The following AKAP7 variants were observed in gnomAD, a reference collection of about 807,000 sequenced individuals.
AKAP7 encodes the protein A-kinase anchoring protein 7.
AKAP7 carries 39 observed loss-of-function variants against 39.5 expected under a neutral mutation model. That is an observed-to-expected ratio of 0.99 (90% CI 0.76 to 1.29). The LOEUF (loss-of-function observed/expected upper bound fraction) is 1.29. Ranked by LOEUF, AKAP7 falls within the 50% of genes most tolerant of loss-of-function variation. The pLI, the probability that AKAP7 is intolerant of heterozygous loss-of-function variation, is 0.00. For synonymous variants in AKAP7, 140 were observed against 139.1 expected, an observed-to-expected ratio of 1.01 and a Z score of -0.05; for missense variants, 414 against 407.7, an observed-to-expected ratio of 1.02 and a Z score of -0.13.
At chr6:131,175,595 G>A (rs1804500106) in intron 5 of AKAP7, among the ~76,000 whole-genome samples, 1 of 152,132 alleles carries the variant, frequency 6.6e-6, no homozygotes, top group African/African-American at 2.4e-5. Flanking sequence ...AAATTGATGA[G>A]CTTTTACCAT....
Position 131,151,150 on chromosome 6 carries a change from C to T in AKAP7, c.151+5734C>T, listed in dbSNP as rs543893219. Among the ~76,000 whole-genome samples, 6 of 151,992 alleles carry T rather than the reference C, an allele frequency of 3.9e-5. No individual in the cohort carries two copies. The South Asian group carries it at 1.2e-3, about 32-fold the overall frequency. ...CTCTGCCTCCTGGGTTCAAGCAATT[C>T]TTCTGCCTCAGCCTCCCGAGTAGCT... On this transcript the variant is annotated intron_variant, in intron 2 of 7. Transcript: ENST00000431975.
chr6:131,252,087 C>G (rs1812491035), intron 7 of AKAP7, among the ~76,000 whole-genome samples: 1 of 152,174 alleles, frequency 6.6e-6, no homozygotes, highest in Non-Finnish European at 1.5e-5. Context: ...TCTTTTGGCT[C>G]CATCTGAAGA....
At chr6:131,209,074 C>A (rs1430738849) in intron 6 of AKAP7, among the ~76,000 whole-genome samples, 1 of 152,146 alleles carries the variant, frequency 6.6e-6, no homozygotes, top group Non-Finnish European at 1.5e-5. Flanking sequence ...GTTTCCCAAC[C>A]AGACCAGCAA....
At chr6:131,165,780 A>AAGAC (rs1369792841) in intron 4 of AKAP7, among the ~76,000 whole-genome samples, 1 of 152,126 alleles carries the variant, frequency 6.6e-6, no homozygotes, top group Non-Finnish European at 1.5e-5. Flanking sequence ...ATAAAGGTTG[A>AAGAC]AGACAACTCA....
chr6:131,177,224 G>C (rs112466149), intron 5 of AKAP7, among the ~76,000 whole-genome samples: 2 of 152,116 alleles, frequency 1.3e-5, no homozygotes, highest in Non-Finnish European at 2.9e-5. Flanking sequence ...TTCATTTTGT[G>C]TTGCTATAAC....
At chr6:131,247,832 G>A (rs1452575226) in intron 7 of AKAP7, among the ~76,000 whole-genome samples, 1 of 152,022 alleles carries the variant, frequency 6.6e-6, no homozygotes, top group Admixed American at 6.5e-5. Context: ...GTCTCACTGT[G>A]TTACCCAGGC....
chr6:131,250,651 G>T, intron 7 of AKAP7: 1 of 1,606,952 alleles, frequency 6.2e-7, no homozygotes, highest in Non-Finnish European at 8.5e-7. Context: ...AATCCTAAGT[G>T]CTTGACTATT....
At position 131,184,821 on chromosome 6, in the gene AKAP7, A is replaced by C. The variant is rs1805658991; in HGVS notation, c.590-14640A>C. On this transcript the variant is annotated intron_variant, in intron 5 of 7. Coordinates refer to ENST00000431975, the MANE Select transcript of AKAP7 (RefSeq NM_016377.4). ...CCAAGTGAGAGTGGGCATAGTGGTA[A>C]CTGAGGCCTGGTCGGTTCTTGTAAC... The C allele has an allele frequency of 2.0e-6, 3 of 1,467,196 alleles. No individual in the cohort carries two copies. The Admixed American group carries it at 5.0e-5, about 25-fold the overall frequency. The allele number at this position is 1,467,196 out of a possible 1,614,324, so 90.9% of individuals were successfully genotyped here.
chr6:131,182,687 G>A (rs1226864739), intron 5 of AKAP7, among the ~76,000 whole-genome samples: 1 of 152,110 alleles, frequency 6.6e-6, no homozygotes, highest in Non-Finnish European at 1.5e-5. Context: ...AAATCATATG[G>A]TAGTTTAATT....
At chr6:131,130,797 C>T (rs530595237), upstream of AKAP7, among the ~76,000 whole-genome samples, 5 of 152,258 alleles carry the variant, frequency 3.3e-5, no homozygotes, top group African/African-American at 7.2e-5. Context: ...TTGCCAGACA[C>T]CACTTGGAAA....
intron 5 of AKAP7, among the ~76,000 whole-genome samples, chr6:131,195,000 C>G (rs1247391419): frequency 1.3e-5 from 2 of 152,036 alleles, no homozygotes; most frequent in Non-Finnish European, 2.9e-5. Context: ...TTGAGCCACT[C>G]TGTGTCTTTT....
At chr6:131,156,672 T>C (rs1305249095) in intron 2 of AKAP7, among the ~76,000 whole-genome samples, 1 of 151,826 alleles carries the variant, frequency 6.6e-6, no homozygotes, top group African/African-American at 2.4e-5. Context: ...AAAAAAGAAC[T>C]GTTCAGGGCA....
intron 7 of AKAP7, among the ~76,000 whole-genome samples, chr6:131,251,018 CA>C (rs1391092961): frequency 1.3e-5 from 2 of 152,192 alleles, no homozygotes; most frequent in East Asian, 3.8e-4. Flanking sequence ...CAATGCTCAA[CA>C]GTAACAAATA....
At chr6:131,223,057 A>T (rs1809846285) in intron 7 of AKAP7, among the ~76,000 whole-genome samples, 1 of 152,220 alleles carries the variant, frequency 6.6e-6, no homozygotes, top group Non-Finnish European at 1.5e-5. Context: ...CATTTTTGGC[A>T]ATAAAGTGTA....
At chr6:131,135,376 G>C (rs1800437305), upstream of AKAP7, among the ~76,000 whole-genome samples, 1 of 152,218 alleles carries the variant, frequency 6.6e-6, no homozygotes, top group Non-Finnish European at 1.5e-5. Context: ...TGACGCCGCA[G>C]TCGCCGGCCC....
chr6:131,161,133 A>G (rs1802900383), intron 3 of AKAP7, among the ~76,000 whole-genome samples: 1 of 152,240 alleles, frequency 6.6e-6, no homozygotes, highest in South Asian at 2.1e-4. Flanking sequence ...ATCAAATCAA[A>G]ATTAAAATGA....
intron 7 of AKAP7, 58 bp downstream of exon 7, chr6:131,219,866 T>G: frequency 2.5e-6 from 3 of 1,200,622 alleles, no homozygotes; most frequent in Non-Finnish European, 3.4e-6. Context: ...TGGCATCACT[T>G]TTATCTTGGC....
chr6:131,250,492 CTG>C (rs1812358994), intron 7 of AKAP7: 13 of 1,606,628 alleles, frequency 8.1e-6, no homozygotes, highest in Non-Finnish European at 1.0e-5. Flanking sequence ...TGCTCGCAGA[CTG>C]TGCTATAAAC....
At chr6:131,146,199 T>C (rs1000602648) in intron 2 of AKAP7, among the ~76,000 whole-genome samples, 6 of 152,228 alleles carry the variant, frequency 3.9e-5, no homozygotes, top group Admixed American at 2.0e-4. Context: ...ACAGGTCAAC[T>C]TTTAATTAAA....
Sources: allele counts gnomAD v4.1 joint callset (sites outside exome capture counted in the v4.1 genomes callset), GRCh38; gene constraint gnomAD v4.1.1; transcripts MANE v1.5; gene names NCBI Gene and HGNC (gene_info 2026-07-23, HGNC 2026-07-21).